Variants in ELMO1 observed in about 807,000 individuals in gnomAD.
ELMO1 encodes the protein engulfment and cell motility 1.
ELMO1 carries 26 observed loss-of-function variants against 98.9 expected under a neutral mutation model. That is an observed-to-expected ratio of 0.26 (90% CI 0.19 to 0.36). The LOEUF (loss-of-function observed/expected upper bound fraction) is 0.36. Ranked by LOEUF, ELMO1 falls within the 10% of genes least tolerant of loss-of-function variation. The pLI is 1.00. For missense variants in ELMO1, 627 were observed against 935.2 expected (o/e 0.67, Z 4.30); for synonymous variants, 346 against 346.0 (o/e 1.00, Z 0.00).
intron 16 of ELMO1, among the ~76,000 whole-genome samples, chr7:36,914,560 C>G (rs1397441106): frequency 6.7e-6 from 1 of 149,848 alleles, no homozygotes; most frequent in Non-Finnish European, 1.5e-5. Context: ...TGTCGCCAGG[C>G]TGGACTGCAG....
intron 13 of ELMO1, among the ~76,000 whole-genome samples, chr7:37,162,602 G>A (rs749685788): frequency 2.0e-5 from 3 of 152,106 alleles, no homozygotes; most frequent in Admixed American, 1.3e-4. Context: ...CACTTGAGAC[G>A]TTTGAATCTT....
chr7:37,435,720 A>C (rs938544950), intron 1 of ELMO1, among the ~76,000 whole-genome samples: 2 of 152,208 alleles, frequency 1.3e-5, no homozygotes, highest in South Asian at 4.1e-4. Context: ...GAAAAGATTC[A>C]ACATGGCCCT....
intron 1 of ELMO1, among the ~76,000 whole-genome samples, chr7:37,414,679 C>A (rs1804139061): frequency 6.6e-6 from 1 of 152,150 alleles, no homozygotes; most frequent in African/African-American, 2.4e-5. Flanking sequence ...CTGTAACTCA[C>A]CATACCTCTA....
At chr7:36,912,336 C>T (rs1784398497) in intron 16 of ELMO1, among the ~76,000 whole-genome samples, 1 of 152,124 alleles carries the variant, frequency 6.6e-6, no homozygotes, top group Non-Finnish European at 1.5e-5. Flanking sequence ...AAGGTGCTGC[C>T]ACGCCCAACT....
intron 16 of ELMO1, among the ~76,000 whole-genome samples, chr7:36,997,223 G>T (rs913993074): frequency 1.3e-5 from 2 of 152,138 alleles, no homozygotes; most frequent in East Asian, 1.9e-4. Context: ...TGAGAGGAAT[G>T]ATTTCTTTTA....
rs147784528 is a variant in ELMO1, at chr7:37,045,196, C to T, written c.1301-31761G>A. On this transcript the variant is annotated intron_variant, in intron 15 of 21. Transcript: ENST00000310758. ...GTGGAATCCTGGAATACAAAAAGGA[C>T]ATCAGATAAAAACTAAGGATATCTG... Among the ~76,000 whole-genome samples the T allele has an allele frequency of 8.9e-3, 1,359 of 152,292 alleles. 6 individuals carry two copies. Among genetic ancestry groups the T allele is most frequent in the Middle Eastern group, 0.014 (4 of 294 alleles).
intron 2 of ELMO1, among the ~76,000 whole-genome samples, chr7:37,332,766 C>T (rs1379737307): frequency 6.6e-6 from 1 of 152,182 alleles, no homozygotes; most frequent in African/African-American, 2.4e-5. Flanking sequence ...GAGCTGGGGG[C>T]AGGGGGCCCT....
Position 37,124,591 on chromosome 7 carries a change from C to T in ELMO1, c.1191+8539G>A, listed in dbSNP as rs182374468. Among the ~76,000 whole-genome samples the T allele has an allele frequency of 1.0e-3, 156 of 152,268 alleles. 1 individual carries two copies. The highest frequency in any genetic ancestry group is 3.5e-3 in the African/African-American group (147 of 41,554). On this transcript the variant is annotated intron_variant, in intron 14 of 21. Transcript: ENST00000310758. ...TCCAACTTACAAGGGACGTGAAGGA[C>T]CTCTTCGAGGAGAACAACAAACCAC...
chr7:37,120,122 T>C (rs1785905533), intron 14 of ELMO1, among the ~76,000 whole-genome samples: 1 of 152,232 alleles, frequency 6.6e-6, no homozygotes, highest in Non-Finnish European at 1.5e-5. Flanking sequence ...TATCAACTGG[T>C]TGTGTAGCAG....
At position 36,984,858 on chromosome 7, in the gene ELMO1, G is replaced by A. The variant is rs748460032; in HGVS notation, c.1437+28441C>T. ...CAATCAGGGGAAAAGATCTTAGGCAGAGATAGAAGCCCCAACTTCAGCCCC... is the reference window on the plus strand; with the variant it reads ...CAATCAGGGGAAAAGATCTTAGGCAAAGATAGAAGCCCCAACTTCAGCCCC... On this transcript the variant is annotated intron_variant, in intron 16 of 21. Transcript: ENST00000310758. 6.2e-6 allele frequency: 6 copies of A among 961,350 alleles called. No homozygotes were observed. The South Asian group carries it at 2.4e-4, about 38-fold the overall frequency. The allele number at this position is 961,350 out of a possible 1,614,324, so 59.6% of individuals were successfully genotyped here.
At chr7:37,265,879 G>T (rs533732825) in intron 5 of ELMO1, among the ~76,000 whole-genome samples, 7 of 152,186 alleles carry the variant, frequency 4.6e-5, no homozygotes, top group Non-Finnish European at 7.4e-5. Flanking sequence ...CTAGTTAACA[G>T]CACGCAGTTA....
rs911497037 is a variant in ELMO1, at chr7:37,141,166, C to T, written c.1087-7932G>A. On this transcript the variant is annotated intron_variant, in intron 13 of 21. Transcript: ENST00000310758. ...TCAATCAATGAGTGGATAAAGAAAA[C>T]GTGGCATATTTATATACACCATGGA... 4.6e-5 allele frequency among the ~76,000 whole-genome samples: 7 copies of T among 152,120 alleles called. No homozygotes were observed. The East Asian group carries it at 5.8e-4, about 13-fold the overall frequency.
rs1455663473 is a variant in ELMO1 at position 36,870,523 on chromosome 7, T to C, written c.1823-48A>G. On this transcript the variant is annotated intron_variant, in intron 19 of 21. Transcript: ENST00000310758. The surrounding 1 kb of genome is among the most constrained non-coding windows in gnomAD (Gnocchi z 4.4). The stretch of plus-strand genomic sequence containing the variant: ...CAAGTAACTACACCATGTGAAAACT[T>C]TGATGTCAATAAAGAAACAGGACTA... The C allele has an allele frequency of 5.1e-6, 8 of 1,578,836 alleles. No individual in the cohort carries two copies. In the Admixed American group the frequency reaches 1.4e-4, roughly 27 times the overall value.
Position 37,259,301 on chromosome 7 carries a change from T to A in ELMO1, c.293A>T (p.Asp98Val). ...LHERIQSSSM[D>V]AKLEALKDLA... is the part of the protein sequence containing the mutation. ...GTCCTTCAGGGCTTCCAGCTTGGCATCCATACTCGAGGACTGGATTCGTTC... is the reference window on the plus strand; with the variant it reads ...GTCCTTCAGGGCTTCCAGCTTGGCAACCATACTCGAGGACTGGATTCGTTC... The change falls in exon 6 of 22, where the codon GAT becomes GTT. Residue 98 changes from aspartate (D) to valine (V), a missense_variant. Transcript: ENST00000310758. The A allele has an allele frequency of 1.9e-6, 3 of 1,614,140 alleles. No individual in the cohort carries two copies. The highest frequency in any genetic ancestry group is 2.5e-6 in the Non-Finnish European group (3 of 1,180,016).
intron 16 of ELMO1, among the ~76,000 whole-genome samples, chr7:37,004,658 G>C (rs1206302993): frequency 6.6e-6 from 1 of 152,106 alleles, no homozygotes; most frequent in Admixed American, 6.5e-5. Context: ...CTACTGTCAG[G>C]CTTATTCAAA....
chr7:37,291,022 G>T (rs557769185), intron 4 of ELMO1, among the ~76,000 whole-genome samples: 10 of 152,272 alleles, frequency 6.6e-5, no homozygotes, highest in African/African-American at 1.7e-4. Flanking sequence ...AAAGCTGTAT[G>T]ATAATGGTAC....
intron 1 of ELMO1, among the ~76,000 whole-genome samples, chr7:37,400,809 T>C (rs1803494360): frequency 6.6e-6 from 1 of 152,186 alleles, no homozygotes; most frequent in Non-Finnish European, 1.5e-5. Flanking sequence ...TAAACTGCTT[T>C]TTAAATGGCA....
intron 6 of ELMO1, among the ~76,000 whole-genome samples, chr7:37,249,478 G>T (rs1455837802): frequency 1.3e-5 from 2 of 152,102 alleles, no homozygotes; most frequent in African/African-American, 4.8e-5. Context: ...AGATTTTGGA[G>T]AAATGACCTC....
At chr7:37,099,593 A>G (rs1784533203) in intron 14 of ELMO1, among the ~76,000 whole-genome samples, 1 of 152,214 alleles carries the variant, frequency 6.6e-6, no homozygotes, top group Non-Finnish European at 1.5e-5. Flanking sequence ...TCAAACACCA[A>G]AATAAACTCT....
Sources: gnomAD v4.1 joint callset for allele counts (sites outside exome capture counted in the v4.1 genomes callset) on GRCh38, gnomAD v4.1.1 for gene constraint, Gnocchi (gnomAD v3.1) non-coding constraint, MANE v1.5 for transcripts, NCBI Gene and HGNC (gene_info 2026-07-23, HGNC 2026-07-21) for gene names.